Variants in MAST2 observed in about 807,000 individuals in gnomAD.
MAST2 encodes the protein microtubule-associated serine/threonine-protein kinase 2.
In MAST2, 70 loss-of-function variants were observed where a neutral mutation model predicts 147.4. The observed-to-expected ratio is 0.47, with a 90% CI of 0.39 to 0.58. MAST2 has a LOEUF of 0.58. Among genes scored for constraint, MAST2 ranks in the 20% least tolerant of loss-of-function variants. The pLI, the probability that MAST2 is intolerant of heterozygous loss-of-function variation, is 0.00. For missense variants in MAST2, 2,080 were observed against 2,302.3 expected, an observed-to-expected ratio of 0.90 and a Z score of 1.98; for synonymous variants, 869 against 896.8, an observed-to-expected ratio of 0.97 and a Z score of 0.55.
intron 4 of MAST2, among the ~76,000 whole-genome samples, chr1:45,891,290 G>A (rs1647731065): frequency 6.6e-6 from 1 of 152,054 alleles, no homozygotes; most frequent in South Asian, 2.1e-4. Context: ...CCAGGAGTTT[G>A]AGCCCAGCCT....
rs116167580 is a variant in MAST2, at chr1:45,939,053, A to G, written c.501-20333A>G. On this transcript the variant is annotated intron_variant, in intron 4 of 28. Coordinates refer to ENST00000361297, the MANE Select transcript of MAST2 (RefSeq NM_015112.3). ...GTCGTTTGAAATGCAAAAATTGATA[A>G]TTTTTTATTTTTTATTGATCATGCT... is the stretch of plus-strand genomic sequence containing the variant. Among the ~76,000 whole-genome samples, 1,261 of 149,474 alleles carry G rather than the reference A, an allele frequency of 8.4e-3. 24 individuals are homozygous for G. Among genetic ancestry groups the G allele is most frequent in the African/African-American group, 0.029 (1,198 of 40,764 alleles).
chr1:45,818,806 CATTTTGA>C (rs916172674), intron 1 of MAST2, among the ~76,000 whole-genome samples: 3 of 152,178 alleles, frequency 2.0e-5, no homozygotes, highest in Admixed American at 6.5e-5. Flanking sequence ...CTTTACGACC[CATTTTGA>C]ACTTATTCAA....
chr1:45,865,368 T>C (rs1008308660), intron 3 of MAST2, among the ~76,000 whole-genome samples: 3 of 152,156 alleles, frequency 2.0e-5, no homozygotes, highest in Non-Finnish European at 4.4e-5. Flanking sequence ...CTGTATTTAG[T>C]GAGTAGAGCA....
chr1:46,022,878 C>T (rs114709171), intron 12 of MAST2, 32 bp from the exon 13 acceptor site: 24 of 1,567,778 alleles, frequency 1.5e-5, no homozygotes, highest in Middle Eastern at 1.7e-4. Context: ...GACATTGCCA[C>T]GCACATTCTT....
chr1:45,930,545 C>T (rs1655131221), intron 4 of MAST2, among the ~76,000 whole-genome samples: 2 of 152,044 alleles, frequency 1.3e-5, no homozygotes, highest in Admixed American at 1.3e-4. Context: ...GAGAAGATGC[C>T]CACATAGGCA....
chr1:45,930,391 T>TTTTTGTTTTTTTTG (rs1553235605), intron 4 of MAST2, among the ~76,000 whole-genome samples: 1 of 147,164 alleles, frequency 6.8e-6, no homozygotes, highest in African/African-American at 2.5e-5. Flanking sequence ...TTTTTTGTTT[T>TTTTTGTTTTTTTTG]TTTTGTTTTG....
At position 45,873,802 on chromosome 1, in the gene MAST2, A is replaced by G. The variant is rs974569311; in HGVS notation, c.469-8562A>G. ...GAGAATAACACATTATTTATAGAAT[A>G]AAGGTTTTTGTTTGTTTGTTTTTGT... On this transcript the variant is annotated intron_variant, in intron 3 of 28. Coordinates refer to ENST00000361297, the MANE Select transcript of MAST2 (RefSeq NM_015112.3). 1.3e-5 allele frequency among the ~76,000 whole-genome samples: 2 copies of G among 152,074 alleles called. 1 individual carries two copies. Among genetic ancestry groups the G allele is most frequent in the African/African-American group, 4.8e-5 (2 of 41,420 alleles).
rs144497726 is a variant in MAST2, at chr1:45,891,525, C to T, written c.500+9130C>T. On this transcript the variant is annotated intron_variant, in intron 4 of 28. Transcript: ENST00000361297. ...TATTTCACATAACGTCAGTTACCTA[C>T]CTATAACTTACAGAGTTGTAAAGTA... Among the ~76,000 whole-genome samples, 11 of 152,130 alleles carry T rather than the reference C, an allele frequency of 7.2e-5. No homozygotes were observed. The East Asian group carries it at 2.1e-3, about 29-fold the overall frequency.
chr1:46,012,527 C>T (rs1248767940), intron 10 of MAST2, among the ~76,000 whole-genome samples: 1 of 152,192 alleles, frequency 6.6e-6, no homozygotes, highest in Non-Finnish European at 1.5e-5. Flanking sequence ...TATTACTATA[C>T]TGAATACTTT....
chr1:45,934,839 G>C (rs1655943632), intron 4 of MAST2, among the ~76,000 whole-genome samples: 1 of 152,166 alleles, frequency 6.6e-6, no homozygotes, highest in Non-Finnish European at 1.5e-5. Context: ...CTTTGCTATA[G>C]TGAATAGTGC....
At chr1:45,885,098 A>G (rs1186139519) in intron 4 of MAST2, among the ~76,000 whole-genome samples, 5 of 152,190 alleles carry the variant, frequency 3.3e-5, no homozygotes, top group African/African-American at 4.8e-5. Flanking sequence ...TGTTAATAAA[A>G]TGAGTGACTT....
chr1:45,828,880 C>T lies in MAST2; in HGVS notation c.326-559C>T, dbSNP rs151109019. 6.6e-3 allele frequency among the ~76,000 whole-genome samples: 1,008 copies of T among 151,910 alleles called. 11 individuals are homozygous for T. The highest frequency in any genetic ancestry group is 0.023 in the African/African-American group (972 of 41,394). The stretch of plus-strand genomic sequence containing the variant: ...CAGAGGTTGCAATGAGCTGAGATCA[C>T]ACCACTGCACTCCAGCCTGGGCGAC... On this transcript the variant is annotated intron_variant, in intron 2 of 28. Coordinates refer to ENST00000361297, the MANE Select transcript of MAST2 (RefSeq NM_015112.3).
intron 3 of MAST2, among the ~76,000 whole-genome samples, chr1:45,872,363 C>T (rs1170832475): frequency 1.3e-5 from 2 of 152,146 alleles, no homozygotes; most frequent in African/African-American, 4.8e-5. Flanking sequence ...CGGTTACTGC[C>T]TTTGGACACT....
At position 46,028,783 on chromosome 1, in the gene MAST2, G is replaced by C. The variant is rs879540002; in HGVS notation, c.2068G>C (p.Glu690Gln). The C allele has an allele frequency of 2.5e-6, 4 of 1,614,178 alleles. No homozygotes were observed. The highest frequency in any genetic ancestry group is 3.4e-6 in the Non-Finnish European group (4 of 1,180,024). ...FLDKQVCGTP[E>Q]YIAPEVILRQ... The stretch of plus-strand genomic sequence containing the variant: ...CTGTGCCCAGGTATGCGGGACCCCA[G>C]AATACATTGCGCCTGAGGTGATCCT... Residue 690 changes from glutamate (E) to glutamine (Q), a missense_variant, in exon 18 of 29, where the codon GAA becomes CAA. Transcript: ENST00000361297.
intron 3 of MAST2, among the ~76,000 whole-genome samples, chr1:45,853,384 A>G (rs1645684288): frequency 6.6e-6 from 1 of 151,442 alleles, no homozygotes; most frequent in Non-Finnish European, 1.5e-5. Context: ...TTTGAGTCAG[A>G]GTCTCTGTCA....
At chr1:45,901,601 C>G (rs1204987671) in intron 4 of MAST2, among the ~76,000 whole-genome samples, 1 of 152,136 alleles carries the variant, frequency 6.6e-6, no homozygotes, top group Non-Finnish European at 1.5e-5. Context: ...GATATTGATT[C>G]TTCCTATCCA....
intron 6 of MAST2, chr1:46,000,933 CTA>C (rs1442215487): frequency 7.8e-7 from 1 of 1,288,026 alleles, no homozygotes; most frequent in African/African-American, 1.5e-5. Context: ...TTGGTTCTCA[CTA>C]TAATGTGTAT....
At chr1:45,861,103 G>A (rs1324639883) in intron 3 of MAST2, among the ~76,000 whole-genome samples, 1 of 152,142 alleles carries the variant, frequency 6.6e-6, no homozygotes, top group East Asian at 1.9e-4. Context: ...AGACTTACCA[G>A]CACCTCTATT....
intron 5 of MAST2, among the ~76,000 whole-genome samples, chr1:45,960,449 T>C (rs1660259108): frequency 6.6e-6 from 1 of 151,730 alleles, no homozygotes; most frequent in African/African-American, 2.4e-5. Context: ...CCCATGGAGG[T>C]TGAGATCATA....
Sources: gnomAD v4.1 joint callset for allele counts (sites outside exome capture counted in the v4.1 genomes callset) on GRCh38, gnomAD v4.1.1 for gene constraint, MANE v1.5 for transcripts, NCBI Gene and HGNC (gene_info 2026-07-23, HGNC 2026-07-21) for gene names.